Variants in PAQR5 observed in about 807,000 individuals in gnomAD.
PAQR5 encodes progestin and adipoQ receptor family member 5.
PAQR5 carries 20 observed loss-of-function variants against 34.5 expected under a neutral mutation model. The observed-to-expected ratio is 0.58, with a 90% confidence interval of 0.41 to 0.84. The LOEUF (loss-of-function observed/expected upper bound fraction) is 0.84. PAQR5 is among the 40% of genes least tolerant of loss of function. The probability of loss-of-function intolerance (pLI) is 0.00; values close to 1 mark genes in which losing one functional copy is unlikely to be tolerated. For missense variants in PAQR5, 378 were observed against 412.7 expected, an observed-to-expected ratio of 0.92 and a Z score of 0.73; for synonymous variants, 131 against 155.6, an observed-to-expected ratio of 0.84 and a Z score of 1.18.
chr15:69,385,191 G>A lies in PAQR5; in HGVS notation c.385+309G>A, dbSNP rs1567035062. Reference sequence around the variant, plus strand: ...ACATGACATCACAGAACACAAGGGTGGGAAGAGATATGCGTAGCACACTAT... The same window carrying A: ...ACATGACATCACAGAACACAAGGGTAGGAAGAGATATGCGTAGCACACTAT... On this transcript the variant is annotated intron_variant, in intron 5 of 8. Coordinates refer to ENST00000395407, the MANE Select transcript of PAQR5 (RefSeq NM_017705.4). The surrounding 1 kb of genome is among the most constrained non-coding windows in gnomAD (Gnocchi z 4.7). Among the ~76,000 whole-genome samples the A allele has an allele frequency of 6.6e-6, 1 of 152,218 alleles. No individual in the cohort carries two copies. The highest frequency in any genetic ancestry group is 1.5e-5 in the Non-Finnish European group (1 of 68,048).
intron 2 of PAQR5, among the ~76,000 whole-genome samples, chr15:69,358,293 G>T (rs1480983456): frequency 2.0e-5 from 3 of 152,054 alleles, no homozygotes; most frequent in Non-Finnish European, 4.4e-5. Flanking sequence ...ACTTACTCTT[G>T]AGTTGCTCTG....
chr15:69,403,560 G>T, intron 8 of PAQR5, 21 bp from the exon 9 acceptor site: 1 of 1,611,736 alleles, frequency 6.2e-7, no homozygotes, highest in Non-Finnish European at 8.5e-7. Flanking sequence ...TGATCTTGAC[G>T]GCCTTTTGTG....
chr15:69,335,963 C>T (rs933205294), intron 1 of PAQR5, among the ~76,000 whole-genome samples: 16 of 151,984 alleles, frequency 1.1e-4, no homozygotes, highest in South Asian at 6.2e-4. Context: ...CTTTTGAAGA[C>T]GATTTTTATG....
chr15:69,350,889 G>A (rs182045633), intron 2 of PAQR5, among the ~76,000 whole-genome samples: 2 of 152,236 alleles, frequency 1.3e-5, no homozygotes, highest in Non-Finnish European at 2.9e-5. Context: ...CAGGGTAACT[G>A]TGCTTTAGGA....
intron 4 of PAQR5, 58 bp from the exon 5 acceptor site, chr15:69,384,619 A>G (rs1016527586): frequency 1.8e-6 from 2 of 1,105,716 alleles, no homozygotes; most frequent in Non-Finnish European, 2.8e-6. Flanking sequence ...TTCATGGTGG[A>G]GGGTGAGCGG....
At chr15:69,340,252 T>G (rs536996669) in intron 2 of PAQR5, among the ~76,000 whole-genome samples, 47 of 152,246 alleles carry the variant, frequency 3.1e-4, no homozygotes, top group African/African-American at 1.1e-3. Context: ...ACACATACAG[T>G]CATACATAAC....
chr15:69,319,226 C>A (rs2054038518), intron 1 of PAQR5, among the ~76,000 whole-genome samples: 1 of 144,686 alleles, frequency 6.9e-6, no homozygotes, highest in Admixed American at 7.0e-5. Context: ...TGTGGTCTCT[C>A]CCTCTCCCAC....
intron 8 of PAQR5, among the ~76,000 whole-genome samples, chr15:69,402,321 C>CT (rs869050882): frequency 0.012 from 1,692 of 144,048 alleles, 24 homozygotes; most frequent in African/African-American, 0.027. Flanking sequence ...CCTTTTCTTT[C>CT]TTTTTTTTTT....
intron 2 of PAQR5, among the ~76,000 whole-genome samples, chr15:69,338,251 C>T (rs1237597998): frequency 6.6e-6 from 1 of 152,076 alleles, no homozygotes; most frequent in Non-Finnish European, 1.5e-5. Flanking sequence ...AATTATGCTC[C>T]AAAAGAAAAC....
At chr15:69,327,077 C>T (rs1331197140) in intron 1 of PAQR5, among the ~76,000 whole-genome samples, 1 of 151,908 alleles carries the variant, frequency 6.6e-6, no homozygotes, top group East Asian at 1.9e-4. Flanking sequence ...ACCTCGACCT[C>T]AGGCTCATGT....
chr15:69,363,941 C>A (rs2140859488), intron 3 of PAQR5, among the ~76,000 whole-genome samples: 1 of 152,226 alleles, frequency 6.6e-6, no homozygotes, highest in East Asian at 1.9e-4. Flanking sequence ...AGTTTAGGGG[C>A]ATGGACAGGA....
intron 6 of PAQR5, chr15:69,396,863 T>C: frequency 3.4e-6 from 1 of 295,744 alleles, no homozygotes; most frequent in Non-Finnish European, 6.6e-6. Flanking sequence ...CAGCTGTCTT[T>C]GGATTGGAGG....
intron 2 of PAQR5, among the ~76,000 whole-genome samples, chr15:69,358,664 C>T (rs1229618369): frequency 1.0e-5 from 1 of 96,902 alleles, no homozygotes. Flanking sequence ...CAGATTCTTG[C>T]TGTGTTGCTC....
At chr15:69,402,243 T>C (rs2056652745) in intron 8 of PAQR5, among the ~76,000 whole-genome samples, 2 of 152,172 alleles carry the variant, frequency 1.3e-5, no homozygotes, top group Admixed American at 6.5e-5. Context: ...GGCTTGTCGA[T>C]GGCCGTTCTT....
intron 3 of PAQR5, among the ~76,000 whole-genome samples, chr15:69,375,147 C>T (rs2055671493): frequency 6.6e-6 from 1 of 152,228 alleles, no homozygotes; most frequent in African/African-American, 2.4e-5. Flanking sequence ...TATTTTCTCG[C>T]AGTTCCGGAG....
chr15:69,369,475 G>A (rs2055494700), intron 3 of PAQR5, among the ~76,000 whole-genome samples: 1 of 151,836 alleles, frequency 6.6e-6, no homozygotes, highest in Admixed American at 6.6e-5. Context: ...GGCAGAGGTT[G>A]CAGTAAGCCA....
chr15:69,305,308 C>G (rs977181039), intron 1 of PAQR5, among the ~76,000 whole-genome samples: 2 of 152,160 alleles, frequency 1.3e-5, no homozygotes, highest in African/African-American at 4.8e-5. Context: ...TCTATGAAGA[C>G]CCTCCCAACG....
chr15:69,372,175 C>G (rs2055580273), intron 3 of PAQR5, among the ~76,000 whole-genome samples: 1 of 152,238 alleles, frequency 6.6e-6, no homozygotes, highest in Non-Finnish European at 1.5e-5. Flanking sequence ...ACTAAGAATA[C>G]TTTCAAGCCA....
chr15:69,371,469 G>T (rs899090609), intron 3 of PAQR5, among the ~76,000 whole-genome samples: 1 of 152,044 alleles, frequency 6.6e-6, no homozygotes, highest in Non-Finnish European at 1.5e-5. Flanking sequence ...GTAATATCTA[G>T]ATTAGTATTC....
Sources: allele counts gnomAD v4.1 joint callset (sites outside exome capture counted in the v4.1 genomes callset), GRCh38; gene constraint gnomAD v4.1.1; non-coding constraint Gnocchi (gnomAD v3.1); transcripts MANE v1.5; gene names NCBI Gene and HGNC (gene_info 2026-07-23, HGNC 2026-07-21).